The following NBEA variants were observed in gnomAD, a reference collection of about 807,000 sequenced individuals.
NBEA encodes neurobeachin.
Under a neutral mutation model 343.4 loss-of-function variants are expected in NBEA, and 44 were observed. The ratio of observed to expected loss-of-function variants is 0.13; its 90% confidence interval spans 0.10 to 0.16. The LOEUF (loss-of-function observed/expected upper bound fraction) is 0.16, where lower values mean the gene tolerates loss of function less well. NBEA is among the 10% of genes least tolerant of loss of function. The pLI, the probability that NBEA is intolerant of heterozygous loss-of-function variation, is 1.00. For missense variants in NBEA, 2,555 were observed against 3,631.3 expected (o/e 0.70, Z 7.62); for synonymous variants, 1,175 against 1,238.7 (o/e 0.95, Z 1.08).
rs1210787988 is a variant in NBEA, at chr13:35,232,523, A to G, written c.5680A>G (p.Lys1894Glu). ...TGCAAAACTTGAAAGAGCGTTAGAA[A>G]AAGTTGCTCCTCTTCTTCGTGAAAT... ...ITAKLERALE[K>E]VAPLLREIFV... The change falls in exon 34 of 59, where the codon AAA (lysine) becomes GAA (glutamate). Residue 1894 changes from lysine to glutamate, a missense_variant. By Grantham distance (56) the Lys-to-Glu change is moderately conservative (BLOSUM62 1). Coordinates refer to ENST00000379939, the MANE Select transcript of NBEA (RefSeq NM_001385012.1). 1.9e-6 allele frequency: 3 copies of G among 1,548,546 alleles called. No individual in the cohort carries two copies. The highest frequency in any genetic ancestry group is 2.7e-5 in the African/African-American group (2 of 73,012).
intron 1 of NBEA, among the ~76,000 whole-genome samples, chr13:34,962,210 T>A (rs1414627581): frequency 6.6e-6 from 1 of 152,028 alleles, no homozygotes; most frequent in Non-Finnish European, 1.5e-5. Context: ...GATGAACCAT[T>A]AGAAGTATAG....
chr13:35,516,601 C>G (rs190005367), intron 41 of NBEA, among the ~76,000 whole-genome samples: 31 of 152,230 alleles, frequency 2.0e-4, no homozygotes, highest in African/African-American at 7.0e-4. Flanking sequence ...AATCTACATT[C>G]CATTTGCTGT....
rs768409906 is a variant in NBEA at position 35,668,422 on chromosome 13, G to A, written c.8716G>A (p.Val2906Ile). The A allele has an allele frequency of 6.2e-7, 1 of 1,613,204 alleles. No individual in the cohort carries two copies. The highest frequency in any genetic ancestry group is 1.1e-5 in the South Asian group (1 of 90,908). The stretch of plus-strand genomic sequence containing the variant: ...CCTGGTCACCGGAGGGGACAATGGG[G>A]TAGTAGAGGTCTGGCAGGCCTGTGA... Reference protein sequence around the residue: ...QNLVTGGDNGVVEVWQACDFK... With the variant: ...QNLVTGGDNGIVEVWQACDFK... Residue 2906 changes from valine to isoleucine, a missense_variant, in exon 58 of 59, where the codon GTA becomes ATA. Coordinates refer to ENST00000379939, the MANE Select transcript of NBEA (RefSeq NM_001385012.1).
chr13:35,426,840 C>T (rs1375649289), intron 38 of NBEA, among the ~76,000 whole-genome samples: 3 of 152,074 alleles, frequency 2.0e-5, no homozygotes, highest in African/African-American at 4.8e-5. Context: ...AGGCTTTGTT[C>T]GTTTCTTTTT....
chr13:35,384,395 G>C (rs998679090), intron 38 of NBEA, among the ~76,000 whole-genome samples: 3 of 151,950 alleles, frequency 2.0e-5, no homozygotes, highest in African/African-American at 7.3e-5. Flanking sequence ...TACGTTATAT[G>C]TAATCAGAGG....
chr13:35,459,016 CCCACACA>C (rs1310457836), intron 40 of NBEA, among the ~76,000 whole-genome samples: 1 of 114,362 alleles, frequency 8.7e-6, no homozygotes, highest in African/African-American at 4.4e-5. Context: ...CCCCCCCCCC[CCCACACA>C]CACACACACA....
At chr13:35,592,649 TG>T (rs1409793296) in intron 46 of NBEA, among the ~76,000 whole-genome samples, 1 of 152,032 alleles carries the variant, frequency 6.6e-6, no homozygotes, top group Non-Finnish European at 1.5e-5. Flanking sequence ...GTGAGAGTAG[TG>T]TGGCAAGATT....
chr13:35,563,017 C>T (rs921380139), intron 44 of NBEA, among the ~76,000 whole-genome samples: 18 of 151,818 alleles, frequency 1.2e-4, no homozygotes, highest in Admixed American at 1.1e-3. Context: ...TACTGTTTCA[C>T]TTTTATTATT....
At chr13:35,590,717 A>G (rs2081497457) in intron 46 of NBEA, among the ~76,000 whole-genome samples, 1 of 152,148 alleles carries the variant, frequency 6.6e-6, no homozygotes, top group Non-Finnish European at 1.5e-5. Flanking sequence ...ATCCCTCTAA[A>G]TTAATCTCTG....
intron 17 of NBEA, 31 bp from the exon 18 acceptor site, chr13:35,142,238 A>C (rs1277995695): frequency 7.1e-7 from 1 of 1,413,924 alleles, no homozygotes; most frequent in Non-Finnish European, 1.0e-6. Flanking sequence ...AATGTGTTTC[A>C]TGGTGTTTTA....
At chr13:35,496,534 T>A (rs538504563) in intron 41 of NBEA, among the ~76,000 whole-genome samples, 2 of 148,978 alleles carry the variant, frequency 1.3e-5, no homozygotes, top group East Asian at 4.0e-4. Context: ...TTCAGTAGGC[T>A]AAGGTGGAAG....
intron 38 of NBEA, among the ~76,000 whole-genome samples, chr13:35,403,891 A>G (rs924273940): frequency 2.0e-5 from 3 of 152,168 alleles, no homozygotes; most frequent in Non-Finnish European, 2.9e-5. Context: ...TCTACAAAGA[A>G]CTCAAACAAA....
chr13:34,968,918 TG>T (rs1207369676), intron 1 of NBEA, among the ~76,000 whole-genome samples: 1 of 152,114 alleles, frequency 6.6e-6, no homozygotes, highest in African/African-American at 2.4e-5. Context: ...ATTATTAATG[TG>T]TTTTAATATC....
chr13:35,594,947 TC>T (rs2081704676), intron 47 of NBEA, among the ~76,000 whole-genome samples: 1 of 111,052 alleles, frequency 9.0e-6, no homozygotes, highest in Non-Finnish European at 2.1e-5. Flanking sequence ...TTTGACATCA[TC>T]ACACACACAC....
intron 41 of NBEA, among the ~76,000 whole-genome samples, chr13:35,547,962 G>A (rs768351606): frequency 6.6e-6 from 1 of 152,214 alleles, no homozygotes; most frequent in South Asian, 2.1e-4. Flanking sequence ...GCTACAGAAC[G>A]GCTCGGGGTG....
chr13:35,658,086 C>T (rs890763306), intron 55 of NBEA, among the ~76,000 whole-genome samples: 2 of 152,056 alleles, frequency 1.3e-5, no homozygotes, highest in Admixed American at 1.3e-4. Context: ...TTATTTAAAG[C>T]TCCTTACAAC....
chr13:35,578,235 T>C (rs942644722), intron 45 of NBEA, among the ~76,000 whole-genome samples: 1 of 152,194 alleles, frequency 6.6e-6, no homozygotes, highest in African/African-American at 2.4e-5. Flanking sequence ...AGCAACATGA[T>C]CTTCATTTGA....
At chr13:35,483,738 G>A (rs907036474) in intron 41 of NBEA, among the ~76,000 whole-genome samples, 2 of 151,918 alleles carry the variant, frequency 1.3e-5, no homozygotes, top group African/African-American at 4.8e-5. Flanking sequence ...AAATTTTAAT[G>A]TTATGCATGC....
intron 25 of NBEA, among the ~76,000 whole-genome samples, chr13:35,169,554 T>C (rs2070305725): frequency 6.6e-6 from 1 of 151,642 alleles, no homozygotes; most frequent in African/African-American, 2.4e-5. Context: ...GTTTGACAGG[T>C]CAAAACACTC....
Sources: allele counts gnomAD v4.1 joint callset (sites outside exome capture counted in the v4.1 genomes callset), GRCh38; gene constraint gnomAD v4.1.1; transcripts MANE v1.5; gene names NCBI Gene and HGNC (gene_info 2026-07-23, HGNC 2026-07-21).